The following ARHGAP6 variants were observed in gnomAD, a reference collection of about 807,000 sequenced individuals.
ARHGAP6 encodes rho GTPase-activating protein 6.
A neutral mutation model predicts 55.7 loss-of-function variants in ARHGAP6; 16 were observed. The observed-to-expected ratio is 0.29, with a 90% CI of 0.19 to 0.44. The LOEUF (loss-of-function observed/expected upper bound fraction) is 0.44, where lower values mean the gene tolerates loss of function less well. Ranked by LOEUF, ARHGAP6 falls within the 20% of genes least tolerant of loss-of-function variation. The pLI, the probability that ARHGAP6 is intolerant of heterozygous loss-of-function variation, is 1.00. For missense variants in ARHGAP6, 698 were observed against 808.9 expected (o/e 0.86, Z 1.66); for synonymous variants, 382 against 360.9 (o/e 1.06, Z -0.66).
At chrX:11,635,374 C>T (rs148876933) in intron 1 of ARHGAP6, among the ~76,000 whole-genome samples, 154 of 111,359 alleles carry the variant, frequency 1.4e-3, no homozygotes, top group African/African-American at 4.8e-3. Flanking sequence ...TTTGTTTCTA[C>T]ATTTTTTTGT....
chrX:11,324,814 A>G, intron 1 of ARHGAP6, among the ~76,000 whole-genome samples: 1 of 112,264 alleles, frequency 8.9e-6, no homozygotes, highest in Non-Finnish European at 1.9e-5. Context: ...GAACTTTTTG[A>G]AGTGCTCTCA....
intron 1 of ARHGAP6, among the ~76,000 whole-genome samples, chrX:11,572,631 C>T (rs5979416): frequency 0.38 from 41,779 of 109,948 alleles, 6,312 homozygotes; most frequent in African/African-American, 0.55. Context: ...CTATTGTGAA[C>T]AGTGCCGCAA....
At chrX:11,442,124 A>G (rs2050045401) in intron 1 of ARHGAP6, among the ~76,000 whole-genome samples, 1 of 111,316 alleles carries the variant, frequency 9.0e-6, no homozygotes, top group African/African-American at 3.3e-5. Context: ...TCTTTAAAAA[A>G]TTGTCATCAA....
intron 1 of ARHGAP6, among the ~76,000 whole-genome samples, chrX:11,556,132 A>G (rs1438551811): frequency 1.8e-5 from 2 of 111,864 alleles, no homozygotes; most frequent in Non-Finnish European, 3.8e-5. Context: ...ACCCTATTAT[A>G]ATCACATATC....
At chrX:11,485,016 A>AAAAC (rs199849628) in intron 1 of ARHGAP6, among the ~76,000 whole-genome samples, 1,294 of 110,234 alleles carry the variant, frequency 0.012, 20 homozygotes, top group African/African-American at 0.041. Context: ...CTGAGAATGG[A>AAAAC]AAACAAACAA....
intron 1 of ARHGAP6, among the ~76,000 whole-genome samples, chrX:11,521,571 T>C (rs757631590): frequency 1.8e-5 from 2 of 112,005 alleles, no homozygotes; most frequent in African/African-American, 6.5e-5. Flanking sequence ...CCTTATAGTG[T>C]AGTTTGAAGT....
chrX:11,293,089 G>A (rs190979631), intron 1 of ARHGAP6, among the ~76,000 whole-genome samples: 45 of 112,389 alleles, frequency 4.0e-4, no homozygotes, highest in Non-Finnish European at 7.9e-4. Flanking sequence ...AAAGAACAAC[G>A]TTGTTTGCTA....
intron 1 of ARHGAP6, among the ~76,000 whole-genome samples, chrX:11,560,922 G>T (rs1278657355): frequency 8.9e-6 from 1 of 111,943 alleles, no homozygotes; most frequent in Non-Finnish European, 1.9e-5. Flanking sequence ...CTTTCTGCAG[G>T]CCAGTCACAA....
At chrX:11,456,472 T>G (rs1278713805) in intron 1 of ARHGAP6, among the ~76,000 whole-genome samples, 1 of 111,705 alleles carries the variant, frequency 9.0e-6, no homozygotes, top group Non-Finnish European at 1.9e-5. Context: ...AAAGAAAACT[T>G]TGAAATGGGA....
intron 1 of ARHGAP6, among the ~76,000 whole-genome samples, chrX:11,492,059 T>C (rs1436423101): frequency 1.1e-5 from 1 of 92,295 alleles, no homozygotes; most frequent in Non-Finnish European, 2.1e-5. Context: ...TTCGATGGGG[T>C]TGTTTTTTTC....
intron 1 of ARHGAP6, among the ~76,000 whole-genome samples, chrX:11,480,667 T>C: frequency 8.9e-6 from 1 of 112,596 alleles, no homozygotes; most frequent in Non-Finnish European, 1.9e-5. Flanking sequence ...CATTACAGTT[T>C]TAGCATGTTA....
At chrX:11,263,196 G>A (rs2047583233) in intron 1 of ARHGAP6, among the ~76,000 whole-genome samples, 1 of 110,133 alleles carries the variant, frequency 9.1e-6, no homozygotes, top group South Asian at 4.0e-4. Context: ...GAGTTCATGT[G>A]AGATATGGTT....
chrX:11,346,719 A>AAAGAAAGAAAGAAAGAAAG (rs1555995403), intron 1 of ARHGAP6, among the ~76,000 whole-genome samples: 2 of 92,385 alleles, frequency 2.2e-5, no homozygotes, highest in Middle Eastern at 5.8e-3. Flanking sequence ...AAGAAGAAAG[A>AAAGAAAGAAAGAAAGAAAG]AAAGAAAGAA....
At chrX:11,358,401 C>T (rs1316399234) in intron 1 of ARHGAP6, among the ~76,000 whole-genome samples, 4 of 109,503 alleles carry the variant, frequency 3.7e-5, no homozygotes, top group African/African-American at 1.3e-4. Flanking sequence ...GGAGTTTCTG[C>T]GTCATATGGT....
At chrX:11,565,561 C>G (rs1452026234) in intron 1 of ARHGAP6, among the ~76,000 whole-genome samples, 1 of 112,372 alleles carries the variant, frequency 8.9e-6, no homozygotes, top group Non-Finnish European at 1.9e-5. Context: ...AGATGAACAG[C>G]CTTGGGCCAG....
intron 1 of ARHGAP6, among the ~76,000 whole-genome samples, chrX:11,571,560 T>G (rs766254347): frequency 1.8e-5 from 2 of 109,921 alleles, no homozygotes; most frequent in Admixed American, 9.8e-5. Context: ...CTAATCACAT[T>G]AGTCCTTTAA....
chrX:11,649,447 C>T (rs1384899706), intron 1 of ARHGAP6, among the ~76,000 whole-genome samples: 2 of 112,115 alleles, frequency 1.8e-5, no homozygotes, highest in East Asian at 2.8e-4. Flanking sequence ...TCTCGATAGA[C>T]ATTCTACACA....
intron 1 of ARHGAP6, among the ~76,000 whole-genome samples, chrX:11,601,197 G>C (rs748765338): frequency 2.7e-5 from 3 of 111,529 alleles, no homozygotes; most frequent in African/African-American, 9.8e-5. Context: ...AGGATTGTAG[G>C]AGCTAGTGGG....
At chrX:11,573,690 A>C (rs199762816) in intron 1 of ARHGAP6, among the ~76,000 whole-genome samples, 9,659 of 109,981 alleles carry the variant, frequency 0.088, 486 homozygotes, top group East Asian at 0.19. Flanking sequence ...GTTCCATATG[A>C]ACTTTAAAGT....
Sources: allele counts gnomAD v4.1 joint callset (sites outside exome capture counted in the v4.1 genomes callset), GRCh38; gene constraint gnomAD v4.1.1; transcripts MANE v1.5; gene names NCBI Gene and HGNC (gene_info 2026-07-23, HGNC 2026-07-21).